ANK1: variants seen among roughly 807,000 people sequenced by gnomAD.
ANK1 encodes ankyrin-1.
ANK1 carries 51 observed loss-of-function variants against 210.4 expected under a neutral mutation model. The observed-to-expected ratio is 0.24, with a 90% CI of 0.19 to 0.31. ANK1 has a LOEUF of 0.31. Ranked by LOEUF, ANK1 falls within the 10% of genes least tolerant of loss-of-function variation. The pLI is 1.00. For missense variants in ANK1, 2,051 were observed against 2,504.4 expected, an observed-to-expected ratio of 0.82 and a Z score of 3.86; for synonymous variants, 967 against 1,025.9, an observed-to-expected ratio of 0.94 and a Z score of 1.10.
At chr8:41,710,885 G>C (rs939001243) in intron 16 of ANK1, among the ~76,000 whole-genome samples, 7 of 152,236 alleles carry the variant, frequency 4.6e-5, no homozygotes, top group African/African-American at 1.7e-4. Context: ...TCAGCAAGGT[G>C]GGCCCATAGG....
At chr8:41,761,403 G>GTA (rs926441422) in intron 1 of ANK1, among the ~76,000 whole-genome samples, 12 of 151,658 alleles carry the variant, frequency 7.9e-5, no homozygotes, top group African/African-American at 2.9e-4. Context: ...TCACACACAC[G>GTA]TATACACACA....
chr8:41,873,025 C>T (rs1200348261), intron 1 of ANK1, among the ~76,000 whole-genome samples: 1 of 152,230 alleles, frequency 6.6e-6, no homozygotes, highest in Non-Finnish European at 1.5e-5. Flanking sequence ...GGGCACGCTG[C>T]AGAGGGGAAG....
rs73619336 is a variant in ANK1, at chr8:41,714,867, A to G, written c.1701+109T>C. 27,023 of 1,194,360 alleles carry G rather than the reference A, an allele frequency of 0.023. 3,696 individuals carry two copies. The African/African-American group carries it at 0.33, about 14-fold the overall frequency. 74.0% of individuals were successfully genotyped at this position (1,194,360 alleles called of 1,614,324 possible). On this transcript the variant is annotated intron_variant, in intron 15 of 42. Coordinates refer to ENST00000289734, the MANE Select transcript of ANK1 (RefSeq NM_000037.4). Reference sequence around the variant, plus strand: ...AGAGCGAGACCCTGTCTCAAAGAAAAAAAAGATGAACAACACAGGCAAGAG... The same window carrying G: ...AGAGCGAGACCCTGTCTCAAAGAAAGAAAAGATGAACAACACAGGCAAGAG...
intron 1 of ANK1, among the ~76,000 whole-genome samples, chr8:41,825,524 G>T (rs564508211): frequency 6.6e-6 from 1 of 152,300 alleles, no homozygotes; most frequent in African/African-American, 2.4e-5. Flanking sequence ...AACTGCCTCT[G>T]AGAACTGTGT....
chr8:41,795,239 G>T (rs994394981), intron 1 of ANK1, among the ~76,000 whole-genome samples: 1 of 152,168 alleles, frequency 6.6e-6, no homozygotes, highest in Non-Finnish European at 1.5e-5. Context: ...TAGGCCAGGC[G>T]CAGCGGCTCA....
In ANK1 at chr8:41,655,406, C is replaced by T. The variant is rs1268870663; in HGVS notation, c.*384G>A. 6.6e-6 allele frequency: 2 copies of T among 303,478 alleles called. No homozygotes were observed. The highest frequency in any genetic ancestry group is 4.7e-5 in the Admixed American group (1 of 21,294). The allele number at this position is 303,478 out of a possible 1,614,324, so 18.8% of individuals were successfully genotyped here. On this transcript the variant is annotated 3_prime_UTR_variant, in exon 43 of 43. Transcript: ENST00000289734. ...AGTCAAAACAATTTAAAAAAAAAAC[C>T]CCAAAACCAAAACCCATCCCCAGCC...
rs574091433 is a variant in ANK1 at position 41,869,589 on chromosome 8, A to T, written c.126+26766T>A. 5.3e-5 allele frequency among the ~76,000 whole-genome samples: 8 copies of T among 152,290 alleles called. No homozygotes were observed. The East Asian group carries it at 1.2e-3, about 22-fold the overall frequency. On this transcript the variant is annotated intron_variant, in intron 1 of 42. Transcript: ENST00000265709. The stretch of plus-strand genomic sequence containing the variant: ...AGCGAGACCATCTAAAATTTAAAAA[A>T]AAGAAAGGAAAACCTGGGCCTTGAA...
At chr8:41,716,039 C>T (rs60335527) in intron 13 of ANK1, among the ~76,000 whole-genome samples, 190 bp from the exon 14 acceptor site, 7,241 of 152,254 alleles carry the variant, frequency 0.048, 557 homozygotes, top group African/African-American at 0.16. Context: ...CTGTATCCTA[C>T]TGAATCCTTA....
intron 7 of ANK1, among the ~76,000 whole-genome samples, chr8:41,724,047 C>G (rs991154361): frequency 2.0e-5 from 3 of 152,020 alleles, no homozygotes; most frequent in Non-Finnish European, 4.4e-5. Context: ...CTCGGCCTCC[C>G]AAAGTGCTGG....
At chr8:41,864,395 G>A (rs1282622015) in intron 1 of ANK1, among the ~76,000 whole-genome samples, 2 of 152,096 alleles carry the variant, frequency 1.3e-5, no homozygotes, top group African/African-American at 4.8e-5. Flanking sequence ...TGGCCGGTGG[G>A]ATGTGGACAA....
chr8:41,745,158 AAAG>A (rs991622358), intron 2 of ANK1, among the ~76,000 whole-genome samples: 7 of 152,106 alleles, frequency 4.6e-5, no homozygotes, highest in African/African-American at 9.7e-5. Context: ...GCGGAGGGAG[AAAG>A]AAGAAGGGGC....
intron 2 of ANK1, among the ~76,000 whole-genome samples, chr8:41,746,670 C>T (rs1306216703): frequency 1.3e-5 from 2 of 152,132 alleles, no homozygotes; most frequent in East Asian, 1.9e-4. Flanking sequence ...GTACAGAACT[C>T]GCAGCAGCCC....
At chr8:41,685,822 A>G (rs1221376732) in intron 36 of ANK1, among the ~76,000 whole-genome samples, 1 of 152,082 alleles carries the variant, frequency 6.6e-6, no homozygotes, top group African/African-American at 2.4e-5. Flanking sequence ...ACTATGTTAC[A>G]CAGTCTGTTC....
rs1240404211 is a variant in ANK1, at chr8:41,684,659, A to G, written c.4422T>C (p.Ile1474=). The change falls in exon 37 of 43, where the codon ATT becomes ATC. Residue 1474 remains isoleucine (I), a synonymous_variant. Transcript: ENST00000289734. ...GCATGTTCACGATCTCGCCACGGTC[A>G]ATGCTCTGCAGGGCTGTGTACAGAT... The part of the protein sequence containing the change: ...MENLYTALQS[I]DRGEIVNMLE... The G allele has an allele frequency of 6.2e-7, 1 of 1,613,826 alleles. No individual in the cohort carries two copies. Among genetic ancestry groups the G allele is most frequent in the Non-Finnish European group, 8.5e-7 (1 of 1,179,990 alleles).
chr8:41,685,635 T>A (rs1205870254), intron 36 of ANK1, among the ~76,000 whole-genome samples: 2 of 110,848 alleles, frequency 1.8e-5, no homozygotes, highest in Non-Finnish European at 4.1e-5. Flanking sequence ...CCTGATGCAA[T>A]TTTTATGTTA....
intron 2 of ANK1, among the ~76,000 whole-genome samples, chr8:41,751,053 C>T (rs1837589688): frequency 6.6e-6 from 1 of 152,190 alleles, no homozygotes. Flanking sequence ...TCAGGGGACA[C>T]AGGCCGGCAC....
chr8:41,708,376 A>G lies in ANK1; in HGVS notation c.1998+402T>C, dbSNP rs147785026. On this transcript the variant is annotated intron_variant, in intron 17 of 42. Coordinates refer to ENST00000289734, the MANE Select transcript of ANK1 (RefSeq NM_000037.4). ...GCTGGAGTGAGAACTCCTAGTGTAT[A>G]GGTCAGTGTTTTTAAAAATATCTTT... Among the ~76,000 whole-genome samples, 395 of 152,298 alleles carry G rather than the reference A, an allele frequency of 2.6e-3. 3 individuals are homozygous for G. Among genetic ancestry groups the G allele is most frequent in the African/African-American group, 9.0e-3 (376 of 41,564 alleles).
intron 1 of ANK1, among the ~76,000 whole-genome samples, chr8:41,892,681 C>A (rs1426149416): frequency 6.6e-6 from 1 of 152,166 alleles, no homozygotes; most frequent in Non-Finnish European, 1.5e-5. Flanking sequence ...ACAAATCAGG[C>A]TTTTTCCAGA....
intron 36 of ANK1, among the ~76,000 whole-genome samples, chr8:41,685,219 G>A (rs370495149): frequency 8.5e-5 from 13 of 152,326 alleles, no homozygotes; most frequent in African/African-American, 2.9e-4. Flanking sequence ...ATGAGCCACC[G>A]TGCCCACCAC....
Sources: allele counts gnomAD v4.1 joint callset (sites outside exome capture counted in the v4.1 genomes callset), GRCh38; gene constraint gnomAD v4.1.1; transcripts MANE v1.5; gene names NCBI Gene and HGNC (gene_info 2026-07-23, HGNC 2026-07-21).